The following NEGR1 variants were observed in gnomAD, a reference collection of about 807,000 sequenced individuals.
The protein encoded by NEGR1 is neuronal growth regulator 1, also known as IgLON family member 4.
In NEGR1, 10 loss-of-function variants were observed where a neutral mutation model predicts 40.9. The ratio of observed to expected loss-of-function variants is 0.24; its 90% confidence interval spans 0.15 to 0.42. The LOEUF (loss-of-function observed/expected upper bound fraction) is 0.42. NEGR1 is among the 10% of genes least tolerant of loss of function. The pLI is 1.00. For missense variants in NEGR1, 352 were observed against 438.9 expected (o/e 0.80, Z 1.77); for synonymous variants, 185 against 166.8 (o/e 1.11, Z -0.84).
At chr1:71,438,586 C>G (rs1557526243) in intron 6 of NEGR1, among the ~76,000 whole-genome samples, 1 of 152,004 alleles carries the variant, frequency 6.6e-6, no homozygotes, top group Non-Finnish European at 1.5e-5. Context: ...TTTTTTAGGT[C>G]GAAAAAGCAC....
chr1:72,195,647 A>AT (rs11392148), intron 1 of NEGR1, among the ~76,000 whole-genome samples: 68,563 of 148,594 alleles, frequency 0.46, 16,104 homozygotes, highest in African/African-American at 0.56. Context: ...GGAAGTTAAG[A>AT]TTTTTTTTTT....
intron 1 of NEGR1, among the ~76,000 whole-genome samples, chr1:72,267,614 T>C (rs760312111): frequency 3.3e-5 from 5 of 151,310 alleles, no homozygotes; most frequent in Non-Finnish European, 7.4e-5. Flanking sequence ...ATCCATTCCA[T>C]TGTGCATAGG....
chr1:72,094,151 T>G (rs566294798), intron 1 of NEGR1, among the ~76,000 whole-genome samples: 1 of 152,252 alleles, frequency 6.6e-6, no homozygotes, highest in East Asian at 1.9e-4. Context: ...TTCCTGATGC[T>G]CAAGTGTAGG....
chr1:72,085,751 C>A (rs1648194687), intron 1 of NEGR1, among the ~76,000 whole-genome samples: 1 of 151,826 alleles, frequency 6.6e-6, no homozygotes, highest in African/African-American at 2.4e-5. Flanking sequence ...GGGTGGATCA[C>A]CTGAGGTTGG....
At position 71,672,310 on chromosome 1, in the gene NEGR1, C is replaced by T. The variant is rs555956093; in HGVS notation, c.667+25698G>A. Among the ~76,000 whole-genome samples, 3 of 152,162 alleles carry T rather than the reference C, an allele frequency of 2.0e-5. No homozygotes were observed. In the East Asian group the frequency reaches 5.8e-4, roughly 29 times the overall value. ...TTAAATTAGATAAAATTATTGCATT[C>T]ATTAAAAATTAAAACATGTGACATC... On this transcript the variant is annotated intron_variant, in intron 4 of 6. Transcript: ENST00000357731.
intron 1 of NEGR1, among the ~76,000 whole-genome samples, chr1:72,161,603 G>T (rs1460690175): frequency 6.6e-6 from 1 of 150,722 alleles, no homozygotes; most frequent in Non-Finnish European, 1.5e-5. Flanking sequence ...TGTAAGCCAG[G>T]TATTTTACCT....
At chr1:71,643,152 C>T (rs367966575) in intron 4 of NEGR1, among the ~76,000 whole-genome samples, 15 of 152,098 alleles carry the variant, frequency 9.9e-5, no homozygotes, top group Admixed American at 8.5e-4. Flanking sequence ...TGGATTAAAA[C>T]CACACAAATC....
At chr1:72,248,270 T>G (rs1654966139) in intron 1 of NEGR1, among the ~76,000 whole-genome samples, 1 of 152,170 alleles carries the variant, frequency 6.6e-6, no homozygotes, top group South Asian at 2.1e-4. Context: ...ATTTCATTTA[T>G]TTTTTGACAT....
At chr1:71,608,728 G>T (rs548995292) in intron 5 of NEGR1, among the ~76,000 whole-genome samples, 1 of 152,232 alleles carries the variant, frequency 6.6e-6, no homozygotes, top group African/African-American at 2.4e-5. Context: ...AGAGAACCAG[G>T]GATTTGGGGA....
chr1:71,424,596 A>G (rs1247789148), intron 6 of NEGR1, among the ~76,000 whole-genome samples: 1 of 152,234 alleles, frequency 6.6e-6, no homozygotes, highest in Non-Finnish European at 1.5e-5. Context: ...CCCCAGTTAC[A>G]TGAAGTCTTG....
intron 4 of NEGR1, 77 bp downstream of exon 4, chr1:71,697,931 A>G: frequency 7.0e-7 from 1 of 1,429,370 alleles, no homozygotes. Flanking sequence ...AAACAGCAAC[A>G]TAAATTTCAG....
chr1:72,067,486 A>G (rs551200961), intron 1 of NEGR1, among the ~76,000 whole-genome samples: 1 of 152,256 alleles, frequency 6.6e-6, no homozygotes, highest in South Asian at 2.1e-4. Context: ...TATCTACTCC[A>G]GTTTTAGGAA....
intron 1 of NEGR1, among the ~76,000 whole-genome samples, chr1:72,007,886 T>C (rs1478169119): frequency 6.6e-6 from 1 of 152,104 alleles, no homozygotes; most frequent in Non-Finnish European, 1.5e-5. Context: ...TCAAAGAAAA[T>C]ATGTCAAGTT....
intron 1 of NEGR1, among the ~76,000 whole-genome samples, chr1:72,096,157 C>CA (rs1237225933): frequency 2.6e-5 from 4 of 151,816 alleles, no homozygotes; most frequent in African/African-American, 9.7e-5. Context: ...GAAAATACAC[C>CA]AAATAACTAG....
chr1:72,261,937 A>G (rs1224823641), intron 1 of NEGR1, among the ~76,000 whole-genome samples: 4 of 152,074 alleles, frequency 2.6e-5, no homozygotes, highest in African/African-American at 4.8e-5. Context: ...GGTGATGTAT[A>G]CACTAAATGC....
At chr1:72,121,215 A>G (rs553795719) in intron 1 of NEGR1, among the ~76,000 whole-genome samples, 13 of 152,034 alleles carry the variant, frequency 8.6e-5, no homozygotes, top group Non-Finnish European at 1.6e-4. Context: ...GCCAAAGTCA[A>G]TCTTTTTGTC....
intron 6 of NEGR1, among the ~76,000 whole-genome samples, chr1:71,446,867 A>G (rs978231963): frequency 1.4e-4 from 22 of 152,210 alleles, no homozygotes; most frequent in African/African-American, 5.1e-4. Flanking sequence ...CAATGTTTTA[A>G]CTTTAAATAA....
At chr1:71,652,916 T>C (rs1651764364) in intron 4 of NEGR1, among the ~76,000 whole-genome samples, 2 of 152,238 alleles carry the variant, frequency 1.3e-5, no homozygotes, top group African/African-American at 4.8e-5. Context: ...TGGGTTCTTT[T>C]TTATGGTCTT....
At chr1:72,034,171 T>C (rs1646882934) in intron 1 of NEGR1, among the ~76,000 whole-genome samples, 1 of 152,204 alleles carries the variant, frequency 6.6e-6, no homozygotes, top group African/African-American at 2.4e-5. Context: ...TATATAAAAT[T>C]ATCTTCAGAA....
Sources: gnomAD v4.1 joint callset for allele counts (sites outside exome capture counted in the v4.1 genomes callset) on GRCh38, gnomAD v4.1.1 for gene constraint, MANE v1.5 for transcripts, NCBI Gene and HGNC (gene_info 2026-07-23, HGNC 2026-07-21) for gene names.